MMP2: variants seen among roughly 807,000 people sequenced by gnomAD.
MMP2 encodes 72 kDa type IV collagenase.
Under a neutral mutation model 74.8 loss-of-function variants are expected in MMP2, and 39 were observed. That is an observed-to-expected ratio of 0.52 (90% CI 0.40 to 0.68). The LOEUF (loss-of-function observed/expected upper bound fraction) is 0.68. Ranked by LOEUF, MMP2 falls within the 30% of genes least tolerant of loss-of-function variation. MMP2 has a pLI of 0.00. For missense variants in MMP2, 803 were observed against 878.3 expected (o/e 0.91, Z 1.08); for synonymous variants, 367 against 339.8 (o/e 1.08, Z -0.88).
intron 9 of MMP2, 67 bp downstream of exon 9, chr16:55,493,360 T>C: frequency 1.2e-6 from 2 of 1,603,700 alleles, no homozygotes; most frequent in Non-Finnish European, 1.7e-6. Flanking sequence ...CATTATTCTT[T>C]TCCCTCACTC....
At chr16:55,494,476 T>G (rs138551594) in intron 9 of MMP2, among the ~76,000 whole-genome samples, 3 of 152,260 alleles carry the variant, frequency 2.0e-5, no homozygotes, top group Admixed American at 2.0e-4. Flanking sequence ...TAGGCTTTAG[T>G]AGCTGGAGGA....
chr16:55,492,197 AT>A (rs1351845862), intron 8 of MMP2, among the ~76,000 whole-genome samples: 1 of 152,150 alleles, frequency 6.6e-6, no homozygotes, highest in African/African-American at 2.4e-5. Context: ...TTAGCGCTCC[AT>A]TTCTGGGTTT....
intron 5 of MMP2, chr16:55,487,800 G>A (rs1266997920): frequency 6.6e-6 from 1 of 152,302 alleles, no homozygotes; most frequent in Non-Finnish European, 1.5e-5. Flanking sequence ...CTGTCTTGAA[G>A]ATGTCAAAGT....
chr16:55,483,784 G>T (rs945898754), intron 2 of MMP2, among the ~76,000 whole-genome samples: 2 of 152,244 alleles, frequency 1.3e-5, no homozygotes, highest in African/African-American at 4.8e-5. Context: ...ATTCTGGGAG[G>T]GTTGTCCTTG....
At chr16:55,483,961 A>T (rs1209076612) in intron 2 of MMP2, 55 bp from the exon 3 acceptor site, 2 of 1,567,962 alleles carry the variant, frequency 1.3e-6, no homozygotes, top group African/African-American at 1.4e-5. Flanking sequence ...ATACTTGCAT[A>T]TACATACACT....
chr16:55,482,940 A>G lies in MMP2; in HGVS notation c.185A>G (p.Lys62Arg). The G allele has an allele frequency of 1.2e-6, 2 of 1,614,228 alleles. No individual in the cohort carries two copies. Among genetic ancestry groups the G allele is most frequent in the Non-Finnish European group, 1.7e-6 (2 of 1,180,042 alleles). ...CTGAACACCTTCTATGGCTGCCCCAAGGAGAGCTGCAACCTGTTTGTGCTG... is the reference window on the plus strand; with the variant it reads ...CTGAACACCTTCTATGGCTGCCCCAGGGAGAGCTGCAACCTGTTTGTGCTG... The part of the protein sequence containing the change: ...QYLNTFYGCP[K>R]ESCNLFVLKD... The change falls in exon 2 of 13, where the codon AAG (lysine) becomes AGG (arginine). Residue 62 changes from lysine (K) to arginine (R), a missense_variant. Physicochemically the swap from Lys to Arg is conservative, Grantham distance 26 (BLOSUM62 2). Around this residue, in one of 3 missense-constraint regions of MMP2, gnomAD observed 223 missense variants for 232.8 expected, o/e 0.96. Transcript: ENST00000219070.
At chr16:55,493,854 CT>C (rs746509332) in intron 9 of MMP2, among the ~76,000 whole-genome samples, 1 of 152,202 alleles carries the variant, frequency 6.6e-6, no homozygotes, top group Non-Finnish European at 1.5e-5. Flanking sequence ...CCAAATTACT[CT>C]GTGTATGGGT....
intron 8 of MMP2, among the ~76,000 whole-genome samples, chr16:55,492,204 G>A (rs1962427153): frequency 6.6e-6 from 1 of 152,052 alleles, no homozygotes; most frequent in Admixed American, 6.6e-5. Context: ...TCCATTTCTG[G>A]GTTTCTCCCA....
chr16:55,488,803 C>T (rs1347280913), intron 6 of MMP2, 87 bp downstream of exon 6: 2 of 1,398,104 alleles, frequency 1.4e-6, no homozygotes, highest in African/African-American at 2.9e-5. Context: ...GTGCCCACCT[C>T]CTTTCCCCAA....
intron 1 of MMP2, among the ~76,000 whole-genome samples, chr16:55,480,232 T>G (rs1349191430): frequency 6.6e-6 from 1 of 152,052 alleles, no homozygotes; most frequent in African/African-American, 2.4e-5. Context: ...AGAGGGACCT[T>G]TAAACAAACA....
intron 10 of MMP2, 126 bp downstream of exon 10, chr16:55,497,188 C>T: frequency 7.9e-7 from 1 of 1,267,756 alleles, no homozygotes; most frequent in Admixed American, 1.8e-5. Flanking sequence ...GCTCCCTTTC[C>T]TTTATGGATT....
chr16:55,491,937 G>C lies in MMP2; in HGVS notation c.1317G>C (p.Lys439Asn), dbSNP rs1389821959. The C allele has an allele frequency of 6.2e-7, 1 of 1,613,922 alleles. No individual in the cohort carries two copies. The highest frequency in any genetic ancestry group is 8.5e-7 in the Non-Finnish European group (1 of 1,180,008). The change falls in exon 8 of 13, where the codon AAG (lysine) becomes AAC (asparagine). Residue 439 changes from lysine to asparagine, a missense_variant. By Grantham distance (94) the Lys-to-Asn change is moderately conservative. This residue lies in a region of MMP2 where 555 missense variants were observed against 592.0 expected (regional missense o/e 0.94). Transcript: ENST00000219070. ...TCCGTCTGTCCCAGGATGACATCAA[G>C]GGCATTCAGGAGCTCTATGGTAAAC... is the stretch of plus-strand genomic sequence containing the variant. ...KNFRLSQDDI[K>N]GIQELYGASP...
In MMP2 at chr16:55,502,892, A is replaced by G. The variant is rs1246919402; in HGVS notation, c.1879+4A>G. On this transcript the variant is annotated splice_donor_region_variant and intron_variant, in intron 12 of 12. Coordinates refer to ENST00000219070, the MANE Select transcript of MMP2 (RefSeq NM_004530.6). ...GTCGTGGACCTGCAGGGCGGCGGTG[A>G]GCCACCCAGGACTGTCTCCGCTTTC... The G allele has an allele frequency of 6.2e-7, 1 of 1,611,510 alleles. No homozygotes were observed. The highest frequency in any genetic ancestry group is 1.7e-5 in the Admixed American group (1 of 60,016).
At chr16:55,500,538 C>CACACACACACACACAG (rs1227112652) in intron 11 of MMP2, among the ~76,000 whole-genome samples, 48 of 147,740 alleles carry the variant, frequency 3.2e-4, no homozygotes, top group African/African-American at 9.9e-4. Context: ...CACACACACA[C>CACACACACACACACAG]AGGCATGGAG....
chr16:55,482,664 T>C (rs1467696174), intron 1 of MMP2, among the ~76,000 whole-genome samples: 1 of 152,200 alleles, frequency 6.6e-6, no homozygotes, highest in African/African-American at 2.4e-5. Flanking sequence ...CCTGGACATA[T>C]AGTCAGCACC....
At chr16:55,502,990 G>T in intron 12 of MMP2, 102 bp downstream of exon 12, 1 of 930,086 alleles carries the variant, frequency 1.1e-6, no homozygotes. Context: ...GGGCAGGCAG[G>T]CAGGCGGCGC....
At chr16:55,500,649 G>C (rs17859990) in intron 11 of MMP2, among the ~76,000 whole-genome samples, 2 of 152,152 alleles carry the variant, frequency 1.3e-5, no homozygotes, top group Admixed American at 6.5e-5. Flanking sequence ...GACAGACAGC[G>C]TGCTCTACAG....
intron 9 of MMP2, among the ~76,000 whole-genome samples, chr16:55,495,967 C>G (rs1308707825): frequency 1.3e-5 from 2 of 152,172 alleles, no homozygotes; most frequent in African/African-American, 4.8e-5. Context: ...ATGTGAAATA[C>G]AAGTCTGTGT....
At chr16:55,501,915 G>T (rs1383988926) in intron 11 of MMP2, among the ~76,000 whole-genome samples, 1 of 152,178 alleles carries the variant, frequency 6.6e-6, no homozygotes, top group Non-Finnish European at 1.5e-5. Context: ...AATATTTATG[G>T]AATAATGAAG....
Sources: gnomAD v4.1 joint callset for allele counts (sites outside exome capture counted in the v4.1 genomes callset) on GRCh38, gnomAD v4.1.1 for gene constraint, gnomAD v4.1.1 regional missense constraint, MANE v1.5 for transcripts, NCBI Gene and HGNC (gene_info 2026-07-23, HGNC 2026-07-21) for gene names.